Variants in ARL8A observed in about 807,000 individuals in gnomAD.
The protein encoded by ARL8A is ARF like GTPase 8A.
A neutral mutation model predicts 31.2 loss-of-function variants in ARL8A; 10 were observed. The observed-to-expected ratio is 0.32, with a 90% confidence interval of 0.20 to 0.54. ARL8A has a LOEUF of 0.54. ARL8A is among the 20% of genes least tolerant of loss of function. The probability of loss-of-function intolerance (pLI) is 0.93; values close to 1 mark genes in which losing one functional copy is unlikely to be tolerated. For synonymous variants in ARL8A, 70 were observed against 86.9 expected (o/e 0.81, Z 1.08); for missense variants, 129 against 242.8 (o/e 0.53, Z 3.12).
chr1:202,138,271 C>G lies in ARL8A; in HGVS notation c.204+97G>C, dbSNP rs1655069233. The G allele has an allele frequency of 1.4e-6, 2 of 1,409,352 alleles. No homozygotes were observed. Among genetic ancestry groups the G allele is most frequent in the Non-Finnish European group, 9.9e-7 (1 of 1,008,550 alleles). 87.3% of individuals were successfully genotyped at this position (1,409,352 alleles called of 1,614,324 possible). A position where few individuals can be genotyped will look rare whatever the true frequency, so the allele number is the denominator to read the frequency against. On this transcript the variant is annotated intron_variant, in intron 2 of 6. Transcript: ENST00000272217. The surrounding 1 kb of genome is among the most constrained non-coding windows in gnomAD (Gnocchi z 4.4). ...CTGCCCCACTTCAGCTCGCTCCTCCCAGGGGCCTCCGTTGCCCTCCCCAAC... is the reference window on the plus strand; with the variant it reads ...CTGCCCCACTTCAGCTCGCTCCTCCGAGGGGCCTCCGTTGCCCTCCCCAAC...
At chr1:202,142,495 C>T (rs950274096) in intron 1 of ARL8A, among the ~76,000 whole-genome samples, 2 of 152,192 alleles carry the variant, frequency 1.3e-5, no homozygotes, top group Non-Finnish European at 2.9e-5. Flanking sequence ...CTGGAGTGAC[C>T]GGGACACTGG....
At chr1:202,143,693 C>T (rs554826217) in intron 1 of ARL8A, among the ~76,000 whole-genome samples, 80 of 152,338 alleles carry the variant, frequency 5.3e-4, no homozygotes, top group Non-Finnish European at 9.8e-4. Context: ...ACCCAAAGCC[C>T]TTAGAGCCAC....
intron 1 of ARL8A, among the ~76,000 whole-genome samples, chr1:202,140,748 C>G (rs2147813381): frequency 6.6e-6 from 1 of 152,304 alleles, no homozygotes; most frequent in African/African-American, 2.4e-5. Flanking sequence ...TCTAGCTAAG[C>G]AGGGAGAATT....
At chr1:202,143,255 T>G (rs1050776248) in intron 1 of ARL8A, among the ~76,000 whole-genome samples, 1 of 152,188 alleles carries the variant, frequency 6.6e-6, no homozygotes, top group Non-Finnish European at 1.5e-5. Flanking sequence ...CCATCTGCCT[T>G]CATGCCTCAG....
chr1:202,135,444 A>G lies in ARL8A; in HGVS notation c.440+15T>C, dbSNP rs773896145. ...ATTGGGAGAGCAGAAAGTAATATAG[A>G]GTCACCCAACTCACATTTTCTCAAT... On this transcript the variant is annotated intron_variant, in intron 5 of 6. Transcript: ENST00000272217. This position sits in a 1 kb window ranked among gnomAD's most constrained non-coding sequence, Gnocchi z 5.3. 1 of 1,612,768 alleles carries G rather than the reference A, an allele frequency of 6.2e-7. No individual in the cohort carries two copies.
chr1:202,140,253 C>T (rs1655130587), intron 1 of ARL8A, among the ~76,000 whole-genome samples: 1 of 151,920 alleles, frequency 6.6e-6, no homozygotes, highest in African/African-American at 2.4e-5. Context: ...CCTCAGCCTC[C>T]CAAGTAGCTG....
chr1:202,138,534 GC>G lies in ARL8A; in HGVS notation c.124-87del. 7.6e-7 allele frequency: 1 copy of G among 1,318,254 alleles called. No individual in the cohort carries two copies. 81.7% of individuals were successfully genotyped at this position (1,318,254 alleles called of 1,614,324 possible). A position where few individuals can be genotyped will look rare whatever the true frequency, so the allele number is the denominator to read the frequency against. On this transcript the variant is annotated intron_variant, in intron 1 of 6. Transcript: ENST00000272217. This position sits in a 1 kb window ranked among gnomAD's most constrained non-coding sequence, Gnocchi z 4.4. ...AAGAGGCTGCGAGAACCATGCAGAGGCCAGGCCAGAGCTTCCTAGACTTCCC... is the reference window on the plus strand; with the variant it reads ...AAGAGGCTGCGAGAACCATGCAGAGGCAGGCCAGAGCTTCCTAGACTTCCC...
chr1:202,137,224 T>C (rs972885124), intron 3 of ARL8A, among the ~76,000 whole-genome samples: 35 of 152,248 alleles, frequency 2.3e-4, no homozygotes, highest in Middle Eastern at 3.4e-3. Flanking sequence ...GATCTTGCTA[T>C]GTTGCCTAGG....
At chr1:202,139,624 C>T (rs1453204752) in intron 1 of ARL8A, among the ~76,000 whole-genome samples, 6 of 141,432 alleles carry the variant, frequency 4.2e-5, no homozygotes, top group Non-Finnish European at 6.0e-5. Flanking sequence ...AGGGTGATAG[C>T]CCTGTTCCTT....
chr1:202,144,205 C>T lies in ARL8A; in HGVS notation c.123+245G>A, dbSNP rs115733555. Among the ~76,000 whole-genome samples, 1,424 of 152,234 alleles carry T rather than the reference C, an allele frequency of 9.4e-3. 18 individuals are homozygous for T. The highest frequency in any genetic ancestry group is 0.032 in the African/African-American group (1,326 of 41,574). ...GCACCGGCCCTGTCTGTTCGTCCCC[C>T]TTCCCCTGCCCCCAGCCGTGCAGTA... On this transcript the variant is annotated intron_variant, in intron 1 of 6. Coordinates refer to ENST00000272217, the MANE Select transcript of ARL8A (RefSeq NM_138795.4). This position sits in a 1 kb window ranked among gnomAD's most constrained non-coding sequence, Gnocchi z 5.2.
Position 202,138,380 on chromosome 1 carries a change from A to AT in ARL8A, c.191dup (p.Asn64LysfsTer37). On this transcript the variant is annotated frameshift_variant, in exon 2 of 7. Transcript: ENST00000272217. LOFTEE classifies it high-confidence loss of function. This position sits in a 1 kb window ranked among gnomAD's most constrained non-coding sequence, Gnocchi z 4.4. Reference sequence around the variant, plus strand: ...TCTGGGCCCTCACCTTGATAGTCACATTCCCTTTGGTGATTTTGCGCATGT... The same window carrying AT: ...TCTGGGCCCTCACCTTGATAGTCACATTTCCCTTTGGTGATTTTGCGCATGT... 6.2e-7 allele frequency: 1 copy of AT among 1,613,640 alleles called. No homozygotes were observed. Among genetic ancestry groups the AT allele is most frequent in the Non-Finnish European group, 8.5e-7 (1 of 1,179,726 alleles).
Position 202,134,415 on chromosome 1 carries a change from C to T in ARL8A, c.*52G>A. The T allele has an allele frequency of 6.3e-7, 1 of 1,578,850 alleles. No homozygotes were observed. The highest frequency in any genetic ancestry group is 1.4e-5 in the African/African-American group (1 of 74,048). ...CGACAGGGGTGGGCGGGGAGCTCGGCTTCAGGTTTAGATGATGACGGTCCC... is the reference window on the plus strand; with the variant it reads ...CGACAGGGGTGGGCGGGGAGCTCGGTTTCAGGTTTAGATGATGACGGTCCC... On this transcript the variant is annotated 3_prime_UTR_variant, in exon 7 of 7. Transcript: ENST00000272217. The surrounding 1 kb of genome is among the most constrained non-coding windows in gnomAD (Gnocchi z 4.2).
intron 3 of ARL8A, among the ~76,000 whole-genome samples, chr1:202,137,309 C>T (rs931035083): frequency 2.6e-5 from 4 of 152,090 alleles, no homozygotes; most frequent in Admixed American, 2.6e-4. Flanking sequence ...AGGTGTGTGG[C>T]ACCATGCTCA....
chr1:202,140,845 C>G (rs1571722072), intron 1 of ARL8A, among the ~76,000 whole-genome samples: 1 of 152,162 alleles, frequency 6.6e-6, no homozygotes, highest in Non-Finnish European at 1.5e-5. Context: ...AGGCCCAGTT[C>G]TTGTTTGTCT....
At position 202,138,248 on chromosome 1, in the gene ARL8A, G is replaced by T; in HGVS notation, c.204+120C>A. On this transcript the variant is annotated intron_variant, in intron 2 of 6. Transcript: ENST00000272217. The surrounding 1 kb of genome is among the most constrained non-coding windows in gnomAD (Gnocchi z 4.4). ...CCTCAGCAGGGGGACCCTGGCCTCT[G>T]CCCCACTTCAGCTCGCTCCTCCCAG... The T allele has an allele frequency of 1.6e-6, 2 of 1,249,450 alleles. No individual in the cohort carries two copies. Among genetic ancestry groups the T allele is most frequent in the Non-Finnish European group, 2.3e-6 (2 of 875,110 alleles). The allele number at this position is 1,249,450 out of a possible 1,614,324, so 77.4% of individuals were successfully genotyped here.
chr1:202,135,544 T>A lies in ARL8A; in HGVS notation c.373-18A>T. On this transcript the variant is annotated intron_variant, in intron 4 of 6. Transcript: ENST00000272217. This position sits in a 1 kb window ranked among gnomAD's most constrained non-coding sequence, Gnocchi z 5.3. ...ACTAAGACCTACGGAGAAGGGAGGGTGAGGATGAGGTCTAGGGCAGCCGTG... is the reference window on the plus strand; with the variant it reads ...ACTAAGACCTACGGAGAAGGGAGGGAGAGGATGAGGTCTAGGGCAGCCGTG... 6.2e-7 allele frequency: 1 copy of A among 1,613,260 alleles called. No homozygotes were observed. Among genetic ancestry groups the A allele is most frequent in the Admixed American group, 1.7e-5 (1 of 59,944 alleles).
intron 1 of ARL8A, among the ~76,000 whole-genome samples, chr1:202,139,090 AT>A (rs1655094552): frequency 6.6e-6 from 1 of 152,170 alleles, no homozygotes; most frequent in South Asian, 2.1e-4. Flanking sequence ...CCATTAGTAA[AT>A]GTTTGCTGAA....
intron 3 of ARL8A, among the ~76,000 whole-genome samples, chr1:202,137,713 A>G (rs1380659013): frequency 1.3e-5 from 2 of 152,158 alleles, no homozygotes; most frequent in African/African-American, 2.4e-5. Context: ...CAAGTCAATG[A>G]AGAGGATGCA....
chr1:202,137,589 T>C (rs1655045731), intron 3 of ARL8A, among the ~76,000 whole-genome samples: 2 of 151,218 alleles, frequency 1.3e-5, no homozygotes, highest in Admixed American at 6.6e-5. Context: ...GATCGCACCA[T>C]TGCACGCCAG....
Sources: allele counts gnomAD v4.1 joint callset (sites outside exome capture counted in the v4.1 genomes callset), GRCh38; gene constraint gnomAD v4.1.1; non-coding constraint Gnocchi (gnomAD v3.1); transcripts MANE v1.5; gene names NCBI Gene and HGNC (gene_info 2026-07-23, HGNC 2026-07-21).